VOPP1: variants seen among roughly 807,000 people sequenced by gnomAD.
VOPP1 encodes the protein WW domain binding protein VOPP1.
Under a neutral mutation model 23.5 loss-of-function variants are expected in VOPP1, and 8 were observed. The ratio of observed to expected loss-of-function variants is 0.34; its 90% CI spans 0.20 to 0.61. The LOEUF is 0.61. VOPP1 is among the 20% of genes least tolerant of loss of function. VOPP1 has a pLI of 0.78. For synonymous variants in VOPP1, 83 were observed against 97.3 expected (o/e 0.85, Z 0.86); for missense variants, 174 against 238.1 (o/e 0.73, Z 1.77).
chr7:55,462,852 T>C (rs1288669108), intron 4 of VOPP1, among the ~76,000 whole-genome samples: 2 of 148,326 alleles, frequency 1.3e-5, no homozygotes, highest in African/African-American at 2.4e-5. Context: ...GAGACGGGGT[T>C]TCACCGTTTT....
downstream of VOPP1, among the ~76,000 whole-genome samples, chr7:55,470,349 A>C (rs1791744842): frequency 6.6e-6 from 1 of 152,218 alleles, no homozygotes. Flanking sequence ...CCTGTGAAAA[A>C]CAGCCCTAGC....
intron 1 of VOPP1, among the ~76,000 whole-genome samples, chr7:55,570,500 GA>G (rs1243158272): frequency 6.6e-6 from 1 of 152,140 alleles, no homozygotes; most frequent in African/African-American, 2.4e-5. Context: ...CCTATGCAAC[GA>G]AACAGCTATT....
Position 55,481,940 on chromosome 7 carries a change from G to A in VOPP1, c.329-8895C>T, listed in dbSNP as rs771243372. ...GACACCTTTGTAGTACAAAATCTAA[G>A]CGCTTCTTTCAAATGTTCCATTTAT... On this transcript the variant is annotated intron_variant, in intron 4 of 4. Coordinates refer to ENST00000285279, the MANE Select transcript of VOPP1 (RefSeq NM_030796.5). Among the ~76,000 whole-genome samples the A allele has an allele frequency of 2.7e-4, 41 of 152,244 alleles. 1 individual carries two copies. Among genetic ancestry groups the A allele is most frequent in the Non-Finnish European group, 2.9e-5 (2 of 68,022 alleles).
At chr7:55,489,599 G>A (rs1793414526) in intron 4 of VOPP1, among the ~76,000 whole-genome samples, 1 of 152,234 alleles carries the variant, frequency 6.6e-6, no homozygotes, top group Non-Finnish European at 1.5e-5. Context: ...AGGTGTCCAG[G>A]CTGTGCAGTG....
In VOPP1 at chr7:55,472,301, G is replaced by A. The variant is rs1791880201; in HGVS notation, c.*554C>T. 6.8e-6 allele frequency: 1 copy of A among 146,040 alleles called. No homozygotes were observed. Among genetic ancestry groups the A allele is most frequent in the Admixed American group, 6.9e-5 (1 of 14,534 alleles). The allele number at this position is 146,040 out of a possible 1,614,324, so 9.0% of individuals were successfully genotyped here. ...GAAGTCTATCTTTAGGATATGAACAGAGACAGAAACATGACAAGGGGCTTG... is the reference window on the plus strand; with the variant it reads ...GAAGTCTATCTTTAGGATATGAACAAAGACAGAAACATGACAAGGGGCTTG... On this transcript the variant is annotated 3_prime_UTR_variant, in exon 5 of 5. Transcript: ENST00000285279.
At chr7:55,516,725 T>C (rs925820669) in intron 2 of VOPP1, among the ~76,000 whole-genome samples, 3 of 151,974 alleles carry the variant, frequency 2.0e-5, no homozygotes, top group African/African-American at 7.3e-5. Flanking sequence ...AAAACAGAGG[T>C]GTTGTTTGAA....
intron 1 of VOPP1, chr7:55,537,352 G>T: frequency 1.8e-6 from 2 of 1,094,142 alleles, no homozygotes; most frequent in Non-Finnish European, 2.6e-6. Context: ...TCTGGAGCAA[G>T]CAGAGGCCAA....
intron 1 of VOPP1, among the ~76,000 whole-genome samples, chr7:55,559,551 AT>A (rs1797916287): frequency 6.6e-6 from 1 of 152,188 alleles, no homozygotes; most frequent in Non-Finnish European, 1.5e-5. Flanking sequence ...GTAACCTGTG[AT>A]CTCAATTTGT....
chr7:55,525,213 G>A (rs994282882), intron 1 of VOPP1, among the ~76,000 whole-genome samples: 9 of 152,168 alleles, frequency 5.9e-5, no homozygotes, highest in Admixed American at 5.2e-4. Flanking sequence ...ACTCTCGGCC[G>A]GGCGCGGTGG....
At chr7:55,448,567 A>T (rs1184188049) in intron 4 of VOPP1, among the ~76,000 whole-genome samples, 2 of 152,162 alleles carry the variant, frequency 1.3e-5, no homozygotes, top group Non-Finnish European at 2.9e-5. Flanking sequence ...AGGAGATCTC[A>T]GCTCCACGCA....
intron 4 of VOPP1, among the ~76,000 whole-genome samples, chr7:55,458,426 C>T (rs1791419998): frequency 6.6e-6 from 1 of 151,934 alleles, no homozygotes; most frequent in Non-Finnish European, 1.5e-5. Context: ...TTCATATGAA[C>T]TTTGGTATTT....
At chr7:55,490,151 C>G (rs1793461311) in intron 4 of VOPP1, among the ~76,000 whole-genome samples, 1 of 152,024 alleles carries the variant, frequency 6.6e-6, no homozygotes, top group Non-Finnish European at 1.5e-5. Flanking sequence ...AGAGACCCTG[C>G]CGCAGAAAAA....
At chr7:55,570,959 T>C (rs1287156726) in intron 1 of VOPP1, among the ~76,000 whole-genome samples, 1 of 151,868 alleles carries the variant, frequency 6.6e-6, no homozygotes, top group East Asian at 1.9e-4. Flanking sequence ...AAGAAATAAA[T>C]AAATAAAAAT....
intron 1 of VOPP1, among the ~76,000 whole-genome samples, chr7:55,566,821 G>C (rs927203979): frequency 3.3e-5 from 5 of 152,168 alleles, no homozygotes; most frequent in African/African-American, 4.8e-5. Flanking sequence ...TATGAGGATG[G>C]TGAGATGATT....
intron 3 of VOPP1, among the ~76,000 whole-genome samples, chr7:55,496,332 T>G (rs1278071440): frequency 2.6e-5 from 4 of 152,204 alleles, no homozygotes; most frequent in Non-Finnish European, 5.9e-5. Flanking sequence ...GCCCTGAAGC[T>G]GGGTCTTGCC....
In VOPP1 at chr7:55,492,387, A is replaced by G; in HGVS notation, c.223T>C (p.Cys75Arg). Residue 75 changes from cysteine to arginine, a missense_variant, in exon 4 of 5, where the codon TGC becomes CGC. By Grantham distance (180) the Cys-to-Arg change is radical. Coordinates refer to ENST00000285279, the MANE Select transcript of VOPP1 (RefSeq NM_030796.5). ...CTCCGGATGAAGAAGCCGGCTCCGC[A>G]GCAGAAAAGCACGCCCATCATCAGA... is the stretch of plus-strand genomic sequence containing the variant. ...FLLMMGVLFC[C>R]GAGFFIRRRM... 1 of 1,610,742 alleles carries G rather than the reference A, an allele frequency of 6.2e-7. No individual in the cohort carries two copies. Among genetic ancestry groups the G allele is most frequent in the Non-Finnish European group, 8.5e-7 (1 of 1,178,500 alleles).
In VOPP1 at chr7:55,482,289, C is replaced by G. The variant is rs571909581; in HGVS notation, c.329-9244G>C. 2.6e-5 allele frequency among the ~76,000 whole-genome samples: 4 copies of G among 151,832 alleles called. No homozygotes were observed. In the East Asian group the frequency reaches 5.8e-4, roughly 22 times the overall value. ...TTCCTCTTGAGGTACATACATTATC[C>G]ATTACAAAAAAGAACCTCCTGCTAC... is the stretch of plus-strand genomic sequence containing the variant. On this transcript the variant is annotated intron_variant, in intron 4 of 4. Transcript: ENST00000285279.
intron 1 of VOPP1, among the ~76,000 whole-genome samples, chr7:55,563,465 T>C (rs1235264129): frequency 6.6e-6 from 1 of 152,222 alleles, no homozygotes; most frequent in Non-Finnish European, 1.5e-5. Flanking sequence ...TTAAAATCTA[T>C]GATAAACAAG....
chr7:55,554,396 G>A (rs1197306657), intron 1 of VOPP1, among the ~76,000 whole-genome samples: 1 of 152,150 alleles, frequency 6.6e-6, no homozygotes, highest in Non-Finnish European at 1.5e-5. Context: ...TACCATTAGT[G>A]GATTTCAAGA....
Sources: allele counts gnomAD v4.1 joint callset (sites outside exome capture counted in the v4.1 genomes callset), GRCh38; gene constraint gnomAD v4.1.1; transcripts MANE v1.5; gene names NCBI Gene and HGNC (gene_info 2026-07-23, HGNC 2026-07-21).